ETV6: variants seen among roughly 807,000 people sequenced by gnomAD.
ETV6 encodes the protein ETS variant transcription factor 6.
In ETV6, 16 loss-of-function variants were observed where a neutral mutation model predicts 51.1. That is an observed-to-expected ratio of 0.31 (90% CI 0.21 to 0.48). The LOEUF is 0.48. ETV6 is among the 20% of genes least tolerant of loss of function. The pLI is 0.99. For synonymous variants in ETV6, 240 were observed against 224.1 expected, an observed-to-expected ratio of 1.07 and a Z score of -0.64; for missense variants, 458 against 594.8, an observed-to-expected ratio of 0.77 and a Z score of 2.39.
At chr12:11,767,611 G>C (rs567289805) in intron 2 of ETV6, among the ~76,000 whole-genome samples, 1 of 152,322 alleles carries the variant, frequency 6.6e-6, no homozygotes, top group Non-Finnish European at 1.5e-5. Context: ...GTTTAACCTT[G>C]ATGAGCCTCA....
intron 2 of ETV6, among the ~76,000 whole-genome samples, chr12:11,759,107 T>C (rs1391847939): frequency 1.3e-5 from 2 of 151,874 alleles, no homozygotes; most frequent in African/African-American, 4.8e-5. Context: ...AATTCCTAGC[T>C]CCATGCTTCC....
chr12:11,707,744 C>T (rs928196441), intron 1 of ETV6, among the ~76,000 whole-genome samples: 1 of 152,324 alleles, frequency 6.6e-6, no homozygotes, highest in Admixed American at 6.5e-5. Flanking sequence ...CCAAGGGGAT[C>T]GGTCCTGGAG....
At chr12:11,764,172 A>G (rs1214252748) in intron 2 of ETV6, among the ~76,000 whole-genome samples, 2 of 152,250 alleles carry the variant, frequency 1.3e-5, no homozygotes, top group Non-Finnish European at 2.9e-5. Context: ...AATGAAAATT[A>G]GCTTATCAGA....
intron 3 of ETV6, 78 bp downstream of exon 3, chr12:11,839,382 C>T (rs1248810140): frequency 9.3e-6 from 13 of 1,404,730 alleles, no homozygotes; most frequent in South Asian, 1.4e-5. Flanking sequence ...ACCCCTCACC[C>T]GGCCCAAGAA....
At chr12:11,731,150 TAAG>T (rs1865588295) in intron 1 of ETV6, among the ~76,000 whole-genome samples, 1 of 152,192 alleles carries the variant, frequency 6.6e-6, no homozygotes, top group Non-Finnish European at 1.5e-5. Flanking sequence ...TCCACTGCAA[TAAG>T]AAGAGTCATG....
chr12:11,687,656 G>A (rs1379100692), intron 1 of ETV6, among the ~76,000 whole-genome samples: 1 of 152,158 alleles, frequency 6.6e-6, no homozygotes, highest in Non-Finnish European at 1.5e-5. Flanking sequence ...TTGCTAAATA[G>A]CATACATTTA....
chr12:11,884,128 C>T (rs1340358970), intron 5 of ETV6, among the ~76,000 whole-genome samples: 4 of 152,222 alleles, frequency 2.6e-5, no homozygotes, highest in South Asian at 2.1e-4. Context: ...ACTTGCCTCC[C>T]GTCTTTCACA....
At chr12:11,765,852 A>C (rs1945154197) in intron 2 of ETV6, among the ~76,000 whole-genome samples, 1 of 152,060 alleles carries the variant, frequency 6.6e-6, no homozygotes, top group African/African-American at 2.4e-5. Context: ...CAGAAGTCTC[A>C]AGTTTGTGTA....
rs1332697937 is a variant in ETV6 at position 11,827,781 on chromosome 12, G to A, written c.164-11359G>A. Among the ~76,000 whole-genome samples the A allele has an allele frequency of 3.3e-5, 5 of 152,148 alleles. No homozygotes were observed. In the South Asian group the frequency reaches 1.0e-3, roughly 32 times the overall value. ...ATGAGTTTTACTCTGGTTACACTTT[G>A]CACAGGAATGTTCTGCAGACTGTGC... On this transcript the variant is annotated intron_variant, in intron 2 of 7. Transcript: ENST00000396373.
intron 2 of ETV6, among the ~76,000 whole-genome samples, chr12:11,823,805 C>G (rs1446157937): frequency 6.6e-6 from 1 of 152,120 alleles, no homozygotes; most frequent in Non-Finnish European, 1.5e-5. Context: ...TCACTAGAAT[C>G]GTTCCTTAGT....
At chr12:11,829,840 G>C (rs554623486) in intron 2 of ETV6, among the ~76,000 whole-genome samples, 9 of 152,184 alleles carry the variant, frequency 5.9e-5, no homozygotes, top group Non-Finnish European at 1.2e-4. Context: ...GGCTAACCTT[G>C]AGGACAGAAA....
At chr12:11,856,394 CA>C (rs1458460296) in intron 4 of ETV6, among the ~76,000 whole-genome samples, 2 of 152,194 alleles carry the variant, frequency 1.3e-5, no homozygotes, top group Non-Finnish European at 2.9e-5. Flanking sequence ...AGTGCATTTT[CA>C]GAGACCATTC....
chr12:11,652,711 CTTTG>C (rs915703303), intron 1 of ETV6, among the ~76,000 whole-genome samples: 4 of 152,136 alleles, frequency 2.6e-5, no homozygotes, highest in Non-Finnish European at 4.4e-5. Context: ...GAGGGAAGTA[CTTTG>C]TTTATTTCTG....
intron 1 of ETV6, among the ~76,000 whole-genome samples, chr12:11,747,616 CAA>C (rs1865931840): frequency 6.6e-6 from 1 of 152,130 alleles, no homozygotes. Flanking sequence ...CATCTTCTCT[CAA>C]ATTCTTTACG....
chr12:11,769,853 C>T (rs150346471), intron 2 of ETV6, among the ~76,000 whole-genome samples: 1,603 of 152,274 alleles, frequency 0.011, 20 homozygotes, highest in Non-Finnish European at 0.016. Flanking sequence ...TAAGAGCTGT[C>T]TTCAGAACAG....
chr12:11,652,078 A>G (rs1365115609), intron 1 of ETV6, among the ~76,000 whole-genome samples: 3 of 152,046 alleles, frequency 2.0e-5, no homozygotes, highest in Non-Finnish European at 2.9e-5. Flanking sequence ...TTTGCATATC[A>G]TTTTTTTCCT....
At chr12:11,715,713 T>C (rs1865261727) in intron 1 of ETV6, among the ~76,000 whole-genome samples, 1 of 152,242 alleles carries the variant, frequency 6.6e-6, no homozygotes, top group Non-Finnish European at 1.5e-5. Flanking sequence ...TCTTTGATAA[T>C]CATAAATTGA....
intron 2 of ETV6, among the ~76,000 whole-genome samples, chr12:11,829,239 A>G (rs1357417541): frequency 1.3e-5 from 2 of 152,168 alleles, no homozygotes; most frequent in African/African-American, 4.8e-5. Context: ...AGTACAACTC[A>G]TCTACTATCC....
chr12:11,894,945 T>C lies in ETV6; in HGVS notation c.*3899T>C, dbSNP rs72550769. The C allele has an allele frequency of 1.2e-4, 29 of 233,658 alleles. No individual in the cohort carries two copies. The highest frequency in any genetic ancestry group is 2.4e-4 in the Non-Finnish European group (28 of 118,026). 14.5% of individuals were successfully genotyped at this position (233,658 alleles called of 1,614,324 possible). On this transcript the variant is annotated 3_prime_UTR_variant, in exon 8 of 8. Transcript: ENST00000396373. ...AGCATTTGGTGCTAGTTAGAGGCTGTTCACTCTCTCCTGCTCCTCTTCGGA... is the reference window on the plus strand; with the variant it reads ...AGCATTTGGTGCTAGTTAGAGGCTGCTCACTCTCTCCTGCTCCTCTTCGGA...
Sources: gnomAD v4.1 joint callset for allele counts (sites outside exome capture counted in the v4.1 genomes callset) on GRCh38, gnomAD v4.1.1 for gene constraint, MANE v1.5 for transcripts, NCBI Gene and HGNC (gene_info 2026-07-23, HGNC 2026-07-21) for gene names.